OSTN: variants seen among roughly 807,000 people sequenced by gnomAD.
OSTN encodes the protein osteocrin.
A neutral mutation model predicts 12.0 loss-of-function variants in OSTN; 9 were observed. That is an observed-to-expected ratio of 0.75 (90% CI 0.45 to 1.30). The LOEUF is 1.30. OSTN is among the 50% of genes most tolerant of loss of function. The pLI is 0.00. For synonymous variants in OSTN, 59 were observed against 56.9 expected, an observed-to-expected ratio of 1.04 and a Z score of -0.16; for missense variants, 148 against 152.3, an observed-to-expected ratio of 0.97 and a Z score of 0.15.
At chr3:191,258,421 G>T (rs1387186063) in intron 4 of OSTN, among the ~76,000 whole-genome samples, 1 of 152,022 alleles carries the variant, frequency 6.6e-6, no homozygotes, top group Non-Finnish European at 1.5e-5. Flanking sequence ...AAAAAGCAAG[G>T]GTTTCTGAGA....
At chr3:191,257,266 C>T (rs1263445404) in intron 4 of OSTN, among the ~76,000 whole-genome samples, 2 of 148,992 alleles carry the variant, frequency 1.3e-5, no homozygotes, top group Admixed American at 6.7e-5. Flanking sequence ...CAAAAACATA[C>T]TCTACTTCCT....
At chr3:191,259,609 T>C (rs1374767097) in intron 4 of OSTN, among the ~76,000 whole-genome samples, 2 of 151,562 alleles carry the variant, frequency 1.3e-5, no homozygotes, top group Non-Finnish European at 2.9e-5. Flanking sequence ...AATGACCACC[T>C]CCAAAAAGTC....
chr3:191,208,125 C>T (rs1224584383), intron 1 of OSTN, among the ~76,000 whole-genome samples: 1 of 151,626 alleles, frequency 6.6e-6, no homozygotes, highest in Non-Finnish European at 1.5e-5. Flanking sequence ...TCAAAAATTA[C>T]TTTTAAATAA....
chr3:191,259,097 T>A (rs1162142484), intron 4 of OSTN, among the ~76,000 whole-genome samples: 1 of 151,936 alleles, frequency 6.6e-6, no homozygotes, highest in Non-Finnish European at 1.5e-5. Flanking sequence ...CCTTAAGGAG[T>A]GTGAGCTGTT....
intron 4 of OSTN, among the ~76,000 whole-genome samples, chr3:191,253,558 C>T (rs759855613): frequency 1.1e-4 from 17 of 152,198 alleles, no homozygotes; most frequent in Non-Finnish European, 1.9e-4. Context: ...CTCAGCATGA[C>T]CACAACCAGG....
chr3:191,209,880 C>T (rs1203479185), intron 1 of OSTN, among the ~76,000 whole-genome samples: 2 of 152,122 alleles, frequency 1.3e-5, no homozygotes, highest in Non-Finnish European at 2.9e-5. Flanking sequence ...AAATTCTTTG[C>T]CACAGAACTT....
At chr3:191,210,286 T>C (rs1324903069) in intron 1 of OSTN, among the ~76,000 whole-genome samples, 1 of 152,116 alleles carries the variant, frequency 6.6e-6, no homozygotes, top group East Asian at 1.9e-4. Flanking sequence ...CCTCCAATAC[T>C]GGAGGCAACT....
rs140065488 is a variant in OSTN at position 191,211,921 on chromosome 3, T to A, written c.1-612T>A. 1.7e-3 allele frequency among the ~76,000 whole-genome samples: 260 copies of A among 152,258 alleles called. 1 individual carries two copies. Among genetic ancestry groups the A allele is most frequent in the African/African-American group, 5.9e-3 (247 of 41,574 alleles). ...TTGTACATATCATGTATATATTCAA[T>A]ATATCTTCCATTAAGTAATTTGTCT... On this transcript the variant is annotated intron_variant, in intron 1 of 4. Transcript: ENST00000682035.
intron 1 of OSTN, among the ~76,000 whole-genome samples, chr3:191,206,245 A>G (rs1305905006): frequency 2.6e-5 from 4 of 152,122 alleles, no homozygotes; most frequent in Non-Finnish European, 5.9e-5. Context: ...ACCATATGTC[A>G]TCAATTTTGC....
intron 3 of OSTN, among the ~76,000 whole-genome samples, chr3:191,224,280 G>A (rs1469574435): frequency 6.6e-6 from 1 of 151,832 alleles, no homozygotes; most frequent in Non-Finnish European, 1.5e-5. Flanking sequence ...GGGAGGCTGA[G>A]GCAGGAGAAT....
intron 2 of OSTN, among the ~76,000 whole-genome samples, chr3:191,214,182 A>C (rs1179377821): frequency 6.6e-6 from 1 of 152,176 alleles, no homozygotes; most frequent in African/African-American, 2.4e-5. Context: ...TTAAGGGAGT[A>C]CACTAAGCAG....
intron 3 of OSTN, among the ~76,000 whole-genome samples, chr3:191,242,069 T>C (rs971340992): frequency 1.3e-5 from 2 of 152,190 alleles, no homozygotes; most frequent in African/African-American, 4.8e-5. Flanking sequence ...TTAATTTACT[T>C]TGAAAATCAA....
At chr3:191,202,008 G>C (rs1031688695) in intron 1 of OSTN, among the ~76,000 whole-genome samples, 1 of 152,112 alleles carries the variant, frequency 6.6e-6, no homozygotes, top group Non-Finnish European at 1.5e-5. Flanking sequence ...AAGGCTAAAT[G>C]ACATGCCTAA....
In OSTN at chr3:191,241,167, CTTTTTTTTTT is replaced by C. The variant is rs575332839; in HGVS notation, c.318-8850_318-8841del. ...AAGTTGGTGGAGCTCTGTGCCTTGA[CTTTTTTTTTT>C]TTTTTTTTTTTTTTTTTTTGAGACG... On this transcript the variant is annotated intron_variant, in intron 3 of 4. Coordinates refer to ENST00000682035, the MANE Select transcript of OSTN (RefSeq NM_198184.2). 9.7e-3 allele frequency among the ~76,000 whole-genome samples: 451 copies of C among 46,452 alleles called. 3 individuals carry two copies. Among genetic ancestry groups the C allele is most frequent in the South Asian group, 0.05 (34 of 676 alleles). 30.5% of individuals were successfully genotyped at this position (46,452 alleles called of 152,430 possible). A position where few individuals can be genotyped will look rare whatever the true frequency, so the allele number is the denominator to read the frequency against.
intron 3 of OSTN, among the ~76,000 whole-genome samples, chr3:191,230,311 A>T (rs544599917): frequency 1.5e-3 from 227 of 152,036 alleles, no homozygotes; most frequent in Non-Finnish European, 2.9e-3. Flanking sequence ...CACACCTGTA[A>T]TCCCAACACT....
rs115877633 is a variant in OSTN, at chr3:191,247,282, T to C, written c.318-2755T>C. On this transcript the variant is annotated intron_variant, in intron 3 of 4. Transcript: ENST00000682035. ...ATTTATATTAATTTTACAAATAACA[T>C]GTTTCCTATTTGGTTATCAAGTTGA... Among the ~76,000 whole-genome samples, 888 of 152,318 alleles carry C rather than the reference T, an allele frequency of 5.8e-3. 6 individuals carry two copies. The highest frequency in any genetic ancestry group is 9.4e-3 in the Non-Finnish European group (637 of 68,014).
At chr3:191,218,021 A>G (rs1391227719) in intron 2 of OSTN, among the ~76,000 whole-genome samples, 1 of 152,216 alleles carries the variant, frequency 6.6e-6, no homozygotes, top group East Asian at 1.9e-4. Flanking sequence ...TAAATGAAAG[A>G]CTAATTAGAC....
chr3:191,253,368 G>A (rs766570162), intron 4 of OSTN, among the ~76,000 whole-genome samples: 1 of 152,112 alleles, frequency 6.6e-6, no homozygotes, highest in African/African-American at 2.4e-5. Context: ...CTACTATAGG[G>A]GCCAAATGCC....
At chr3:191,246,617 AGAAAG>A (rs1184576531) in intron 3 of OSTN, among the ~76,000 whole-genome samples, 3 of 114,614 alleles carry the variant, frequency 2.6e-5, no homozygotes, top group Non-Finnish European at 4.4e-5. Context: ...AAAAAAAAAA[AGAAAG>A]AAAGAAAGAA....
Sources: allele counts gnomAD v4.1 joint callset (sites outside exome capture counted in the v4.1 genomes callset), GRCh38; gene constraint gnomAD v4.1.1; transcripts MANE v1.5; gene names NCBI Gene and HGNC (gene_info 2026-07-23, HGNC 2026-07-21).